The following CD5L variants were observed in gnomAD, a reference collection of about 807,000 sequenced individuals.
The protein encoded by CD5L is CD5 antigen-like.
A neutral mutation model predicts 40.8 loss-of-function variants in CD5L; 39 were observed. The observed-to-expected ratio is 0.96, with a 90% CI of 0.74 to 1.25. CD5L has a LOEUF of 1.25. Ranked by LOEUF, CD5L falls within the 50% of genes most tolerant of loss-of-function variation. The pLI, the probability that CD5L is intolerant of heterozygous loss-of-function variation, is 0.00. For synonymous variants in CD5L, 192 were observed against 169.6 expected, an observed-to-expected ratio of 1.13 and a Z score of -1.03; for missense variants, 433 against 435.9, an observed-to-expected ratio of 0.99 and a Z score of 0.06.
downstream of CD5L, among the ~76,000 whole-genome samples, chr1:157,828,216 C>T (rs929939803): frequency 7.9e-5 from 12 of 152,140 alleles, no homozygotes; most frequent in Non-Finnish European, 1.6e-4. Flanking sequence ...GAAGGGAGAA[C>T]CTCTAGGGTG....
chr1:157,829,084 T>C (rs914094251), downstream of CD5L, among the ~76,000 whole-genome samples: 2 of 152,158 alleles, frequency 1.3e-5, no homozygotes, highest in South Asian at 4.1e-4. Context: ...TTTAGTAAAT[T>C]TGATGTGTTT....
Position 157,831,197 on chromosome 1 carries a change from T to C in CD5L, c.*767A>G, listed in dbSNP as rs1210377572. 2.0e-6 allele frequency: 2 copies of C among 985,158 alleles called. No individual in the cohort carries two copies. Among genetic ancestry groups the C allele is most frequent in the Non-Finnish European group, 1.2e-6 (1 of 829,792 alleles). The allele number at this position is 985,158 out of a possible 1,614,324, so 61.0% of individuals were successfully genotyped here. The stretch of plus-strand genomic sequence containing the variant: ...TCCCAGTAACCAATATATTTTTCTT[T>C]GAATAAAGTAAAATGTATTTTTGAC... On this transcript the variant is annotated 3_prime_UTR_variant, in exon 6 of 6. Coordinates refer to ENST00000368174, the MANE Select transcript of CD5L (RefSeq NM_005894.3).
rs756244785 is a variant in CD5L at position 157,835,889 on chromosome 1, G to A, written c.322C>T (p.Gln108Ter). The A allele has an allele frequency of 1.2e-5, 20 of 1,614,006 alleles. No homozygotes were observed. The highest frequency in any genetic ancestry group is 1.7e-5 in the Non-Finnish European group (20 of 1,180,028). The change falls in exon 3 of 6, where the codon CAA becomes TAA. Residue 108 changes from glutamine to a stop codon, truncating the protein, a stop_gained. Coordinates refer to ENST00000368174, the MANE Select transcript of CD5L (RefSeq NM_005894.3). LOFTEE classifies it high-confidence loss of function. Reference protein sequence around the residue: ...GTEDTLAQCEQEEVYDCSHDE... With the variant: ...GTEDTLAQCE ...TGTGAACAATCATAAACTTCTTCTTGCTCACACTGAGCCAATGTATCTTCT... is the reference window on the plus strand; with the variant it reads ...TGTGAACAATCATAAACTTCTTCTTACTCACACTGAGCCAATGTATCTTCT...
chr1:157,829,662 T>C (rs968851861), downstream of CD5L, among the ~76,000 whole-genome samples: 1 of 152,182 alleles, frequency 6.6e-6, no homozygotes, highest in Non-Finnish European at 1.5e-5. Flanking sequence ...AATAACTGGG[T>C]TTAGCTACTC....
chr1:157,836,822 A>T (rs2101939418), intron 2 of CD5L, among the ~76,000 whole-genome samples: 1 of 152,312 alleles, frequency 6.6e-6, no homozygotes, highest in Non-Finnish European at 1.5e-5. Context: ...AGGGAAAGGG[A>T]AGAGTCAGAG....
At chr1:157,839,654 G>A (rs1373795703) in intron 1 of CD5L, among the ~76,000 whole-genome samples, 1 of 152,180 alleles carries the variant, frequency 6.6e-6, no homozygotes, top group African/African-American at 2.4e-5. Context: ...TTCTTCACAC[G>A]TGATGGTGGA....
Position 157,841,678 on chromosome 1 carries a change from G to A in CD5L, c.24C>T (p.Ile8=). 6.2e-7 allele frequency: 1 copy of A among 1,613,138 alleles called. No individual in the cohort carries two copies. Among genetic ancestry groups the A allele is most frequent in the Non-Finnish European group, 8.5e-7 (1 of 1,179,624 alleles). ...AACAGGTGCAGAGATACTCACCAAG[G>A]ATCAAGGAGAATAGCAGAGCCATGA... MALLFSL[I]LAICTRPGFL... Residue 8 remains isoleucine, a synonymous_variant, in exon 1 of 6, where the codon ATC becomes ATT. Coordinates refer to ENST00000368174, the MANE Select transcript of CD5L (RefSeq NM_005894.3).
rs144956987 is a variant in CD5L, at chr1:157,836,035, G to A, written c.176C>T (p.Ala59Val). 21 of 1,614,164 alleles carry A rather than the reference G, an allele frequency of 1.3e-5. No individual in the cohort carries two copies. In the African/African-American group the frequency reaches 2.4e-4, roughly 18 times the overall value. The change falls in exon 3 of 6, where the codon GCT becomes GTT. Residue 59 changes from alanine to valine, a missense_variant. Transcript: ENST00000368174. Reference protein sequence around the residue: ...CDDGWDIKDVAVLCRELGCGA... With the variant: ...CDDGWDIKDVVVLCRELGCGA... ...ACAGCCCAGCTCCCGGCACAACACA[G>A]CCACGTCCTTAATGTCCCAGCCGTC...
chr1:157,835,644 AGTAGGAATT>A (rs1310053397), intron 3 of CD5L, among the ~76,000 whole-genome samples, 182 bp downstream of exon 3: 1 of 152,302 alleles, frequency 6.6e-6, no homozygotes, highest in East Asian at 1.9e-4. Flanking sequence ...TGCTCAACCA[AGTAGGAATT>A]GCAGTTCTAG....
rs1292163260 is a variant in CD5L, at chr1:157,837,083, C to T, written c.56-928G>A. Reference sequence around the variant, plus strand: ...ACCAGCCTGGACCACATGGTGAAAACCTGTCTCTACTAAAGAAAATAAATA... The same window carrying T: ...ACCAGCCTGGACCACATGGTGAAAATCTGTCTCTACTAAAGAAAATAAATA... On this transcript the variant is annotated intron_variant, in intron 2 of 5. Transcript: ENST00000368174. Among the ~76,000 whole-genome samples, 5 of 152,118 alleles carry T rather than the reference C, an allele frequency of 3.3e-5. No individual in the cohort carries two copies. In the South Asian group the frequency reaches 8.3e-4, roughly 25 times the overall value.
At chr1:157,827,268 ATGTG>A (rs4060881), downstream of CD5L, among the ~76,000 whole-genome samples, 8,164 of 143,398 alleles carry the variant, frequency 0.057, 262 homozygotes, top group South Asian at 0.084. Flanking sequence ...CAAATGGTGT[ATGTG>A]TGTGTGTGTG....
downstream of CD5L, among the ~76,000 whole-genome samples, chr1:157,829,022 C>A (rs1460889248): frequency 1.3e-5 from 2 of 152,186 alleles, no homozygotes; most frequent in Admixed American, 6.5e-5. Context: ...CTAAACAGAG[C>A]TTCTGATAGC....
In CD5L at chr1:157,836,082, G is replaced by T. The variant is rs1217598588; in HGVS notation, c.129C>A (p.Gly43=). ...CGTCATCACACACGGTGCCCCACTG[G>T]CCTTTCTGTTCCACCTCCACCCGCC... is the stretch of plus-strand genomic sequence containing the variant. ...CEGRVEVEQK[G]QWGTVCDDGW... is the part of the protein sequence containing the mutation. Residue 43 remains glycine, a synonymous_variant, in exon 3 of 6, where the codon GGC becomes GGA. Coordinates refer to ENST00000368174, the MANE Select transcript of CD5L (RefSeq NM_005894.3). The T allele has an allele frequency of 6.2e-7, 1 of 1,614,010 alleles. No individual in the cohort carries two copies.
Position 157,831,778 on chromosome 1 carries a change from C to T in CD5L, c.*186G>A. On this transcript the variant is annotated 3_prime_UTR_variant, in exon 6 of 6. Transcript: ENST00000368174. ...GAGGGAACTCAACAGCTCACATCTA[C>T]AGGCAGCAATGGGGGCTGCTTGTCC... 2 of 1,307,300 alleles carry T rather than the reference C, an allele frequency of 1.5e-6. No individual in the cohort carries two copies. Among genetic ancestry groups the T allele is most frequent in the Non-Finnish European group, 2.0e-6 (2 of 1,022,848 alleles). The allele number at this position is 1,307,300 out of a possible 1,614,324, so 81.0% of individuals were successfully genotyped here.
intron 3 of CD5L, 96 bp downstream of exon 3, chr1:157,835,739 T>C: frequency 1.0e-6 from 1 of 986,898 alleles, no homozygotes; most frequent in African/African-American, 1.6e-5. Flanking sequence ...CAATTAGCCA[T>C]TGTGTGAACG....
chr1:157,827,268 A>ATGTGTGTG (rs4060881), downstream of CD5L, among the ~76,000 whole-genome samples: 37 of 143,520 alleles, frequency 2.6e-4, no homozygotes, highest in South Asian at 1.2e-3. Context: ...CAAATGGTGT[A>ATGTGTGTG]TGTGTGTGTG....
At position 157,834,461 on chromosome 1, in the gene CD5L, G is replaced by T. The variant is rs758413888; in HGVS notation, c.664C>A (p.Pro222Thr). ...EATLQDCPSG[P>T]WGKNTCNHDE... ...TGGTTGCAGGTGTTCTTCCCCCAAG[G>T]CCCAGAAGGGCAATCCTGAAGGGTT... Residue 222 changes from proline (P) to threonine (T), a missense_variant, in exon 4 of 6, where the codon CCT (proline) becomes ACT (threonine). Pro to Thr is a conservative substitution (Grantham distance 38). Transcript: ENST00000368174. 1.2e-5 allele frequency: 19 copies of T among 1,614,008 alleles called. No homozygotes were observed. The highest frequency in any genetic ancestry group is 1.5e-5 in the Non-Finnish European group (18 of 1,180,024).
At position 157,834,469 on chromosome 1, in the gene CD5L, G is replaced by A; in HGVS notation, c.656C>T (p.Pro219Leu). ...SGREATLQDCPSGPWGKNTCN... is the reference protein window; with the variant it reads ...SGREATLQDCLSGPWGKNTCN... Reference sequence around the variant, plus strand: ...GGTGTTCTTCCCCCAAGGCCCAGAAGGGCAATCCTGAAGGGTTGCTTCTCG... The same window carrying A: ...GGTGTTCTTCCCCCAAGGCCCAGAAAGGCAATCCTGAAGGGTTGCTTCTCG... Residue 219 changes from proline to leucine, a missense_variant, in exon 4 of 6, where the codon CCT becomes CTT. Physicochemically the swap from Pro to Leu is moderately conservative, Grantham distance 98. Transcript: ENST00000368174. 6.2e-7 allele frequency: 1 copy of A among 1,614,192 alleles called. No individual in the cohort carries two copies. The highest frequency in any genetic ancestry group is 8.5e-7 in the Non-Finnish European group (1 of 1,180,040).
intron 4 of CD5L, among the ~76,000 whole-genome samples, chr1:157,833,898 A>G (rs1374011297): frequency 6.6e-6 from 1 of 151,128 alleles, no homozygotes; most frequent in African/African-American, 2.4e-5. Context: ...GGCATGAGCC[A>G]CTGCATCTGG....
Sources: allele counts gnomAD v4.1 joint callset (sites outside exome capture counted in the v4.1 genomes callset), GRCh38; gene constraint gnomAD v4.1.1; transcripts MANE v1.5; gene names NCBI Gene and HGNC (gene_info 2026-07-23, HGNC 2026-07-21).